Variants in ZNFX1 observed in about 807,000 individuals in gnomAD.
The protein encoded by ZNFX1 is NFX1-type zinc finger-containing protein 1.
ZNFX1 carries 78 observed loss-of-function variants against 179.8 expected under a neutral mutation model. That is an observed-to-expected ratio of 0.43 (90% CI 0.36 to 0.52). The LOEUF (loss-of-function observed/expected upper bound fraction) is 0.52. Ranked by LOEUF, ZNFX1 falls within the 20% of genes least tolerant of loss-of-function variation. ZNFX1 has a pLI of 0.00. For synonymous variants in ZNFX1, 848 were observed against 868.5 expected (o/e 0.98, Z 0.42); for missense variants, 1,927 against 2,386.6 (o/e 0.81, Z 4.01).
chr20:49,258,697 C>G (rs1450960698), intron 7 of ZNFX1, among the ~76,000 whole-genome samples: 2 of 151,678 alleles, frequency 1.3e-5, no homozygotes, highest in African/African-American at 4.9e-5. Context: ...TTCTAGCTAC[C>G]TGGGAGGCTG....
At position 49,249,338 on chromosome 20, in the gene ZNFX1, T is replaced by C. The variant is rs1452062811; in HGVS notation, c.3686A>G (p.Tyr1229Cys). The change falls in exon 14 of 14, where the codon TAC becomes TGC. Residue 1229 changes from tyrosine (Y) to cysteine (C), a missense_variant. Physicochemically the swap from Tyr to Cys is radical, Grantham distance 194. Coordinates refer to ENST00000396105, the MANE Select transcript of ZNFX1 (RefSeq NM_021035.3). The part of the protein sequence containing the change: ...VALSRAKKGM[Y>C]CIGNMQMLAK... ...CAGCATCTGCATGTTTCCGATGCAG[T>C]ACATTCCCTTCTTGGCTCGGGACAA... 1 of 1,614,136 alleles carries C rather than the reference T, an allele frequency of 6.2e-7. No individual in the cohort carries two copies.
At chr20:49,269,439 T>C (rs1981322371) in intron 3 of ZNFX1, among the ~76,000 whole-genome samples, 1 of 152,166 alleles carries the variant, frequency 6.6e-6, no homozygotes, top group Non-Finnish European at 1.5e-5. Flanking sequence ...CCCAGCACTT[T>C]GGGAGGCCAA....
At chr20:49,252,960 T>C (rs1377155051) in intron 11 of ZNFX1, 130 bp from the exon 12 acceptor site, 10 of 690,960 alleles carry the variant, frequency 1.4e-5, no homozygotes, top group Non-Finnish European at 2.6e-5. Context: ...TTCTACATAC[T>C]CACAGTTTAA....
chr20:49,257,523 T>C lies in ZNFX1; in HGVS notation c.2558A>G (p.Glu853Gly), dbSNP rs757101785. The C allele has an allele frequency of 6.2e-7, 1 of 1,613,872 alleles. No individual in the cohort carries two copies. Among genetic ancestry groups the C allele is most frequent in the South Asian group, 1.1e-5 (1 of 91,062 alleles). ...AGCCAACTCCTGGTCTGCTCCACTC[T>C]CTTCCTTCTTCCGCCGCTGGGGCCT... ...VVRPQRRKKE[E>G]SGADQELAKM... Residue 853 changes from glutamate (E) to glycine (G), a missense_variant, in exon 8 of 14, where the codon GAG becomes GGG. By Grantham distance (98) the Glu-to-Gly change is moderately conservative. Coordinates refer to ENST00000396105, the MANE Select transcript of ZNFX1 (RefSeq NM_021035.3).
chr20:49,251,497 T>C (rs768067021), intron 13 of ZNFX1, 30 bp downstream of exon 13: 1 of 1,591,704 alleles, frequency 6.3e-7, no homozygotes, highest in Non-Finnish European at 8.6e-7. Context: ...GCTGACACCA[T>C]CCAAGAAAGA....
At chr20:49,265,498 A>G (rs997413240) in intron 4 of ZNFX1, among the ~76,000 whole-genome samples, 1 of 152,210 alleles carries the variant, frequency 6.6e-6, no homozygotes, top group Non-Finnish European at 1.5e-5. Context: ...GTAGGGATCT[A>G]TTTTTAAGAA....
Position 49,257,459 on chromosome 20 carries a change from A to T in ZNFX1, c.2622T>A (p.Thr874=), listed in dbSNP as rs1383937724. 1 of 1,614,090 alleles carries T rather than the reference A, an allele frequency of 6.2e-7. No individual in the cohort carries two copies. Among genetic ancestry groups the T allele is most frequent in the East Asian group, 2.2e-5 (1 of 44,866 alleles). ...LLAMRLDHCG[T]GTAAGQEQAT... ...CTTGCTCCTGTCCAGCTGCTGTCCC[A>T]GTGCCACAATGGTCTAGCCTCATGG... Residue 874 remains threonine (T), a synonymous_variant, in exon 8 of 14, where the codon ACT becomes ACA. Transcript: ENST00000396105.
At chr20:49,252,634 A>G in intron 12 of ZNFX1, 86 bp downstream of exon 12, 1 of 863,858 alleles carries the variant, frequency 1.2e-6, no homozygotes, top group Non-Finnish European at 1.9e-6. Flanking sequence ...ATTTTTATTT[A>G]TATGAGACCT....
At chr20:49,255,522 G>A (rs1024822531) in intron 9 of ZNFX1, among the ~76,000 whole-genome samples, 1 of 151,952 alleles carries the variant, frequency 6.6e-6, no homozygotes, top group East Asian at 1.9e-4. Context: ...ATACCCATTT[G>A]TAACTTTTTA....
intron 2 of ZNFX1, among the ~76,000 whole-genome samples, chr20:49,274,626 G>A (rs1308012709): frequency 6.6e-6 from 1 of 152,168 alleles, no homozygotes; most frequent in Non-Finnish European, 1.5e-5. Flanking sequence ...GGGCATGGTG[G>A]CAGGCACCTG....
Position 49,271,520 on chromosome 20 carries a change from C to G in ZNFX1, c.292G>C (p.Asp98His). 1 of 1,614,166 alleles carries G rather than the reference C, an allele frequency of 6.2e-7. No individual in the cohort carries two copies. Among genetic ancestry groups the G allele is most frequent in the Non-Finnish European group, 8.5e-7 (1 of 1,180,038 alleles). The change falls in exon 3 of 14, where the codon GAC (aspartate) becomes CAC (histidine). Residue 98 changes from aspartate to histidine, a missense_variant. Asp to His is a moderately conservative substitution (Grantham distance 81, BLOSUM62 -1). Transcript: ENST00000396105. ...CTCCACCTGGTGTCATTCTCCTGGT[C>G]ATGTCTTTGGTCTCTAGCTTCGTCG... ...ASDEARDQRH[D>H]QENDTRWRNG... is the part of the protein sequence containing the mutation.
chr20:49,264,866 T>C lies in ZNFX1; in HGVS notation c.2003-2A>G. On this transcript the variant is annotated splice_acceptor_variant, in intron 4 of 13. Coordinates refer to ENST00000396105, the MANE Select transcript of ZNFX1 (RefSeq NM_021035.3). LOFTEE classifies it high-confidence loss of function. ...TGGTCTTCTGACAATTGTAGATGCC[T>C]GTGGAACAAAGTGGAGCATGGCAGG... The C allele has an allele frequency of 6.2e-7, 1 of 1,614,208 alleles. No individual in the cohort carries two copies. Among genetic ancestry groups the C allele is most frequent in the Non-Finnish European group, 8.5e-7 (1 of 1,180,038 alleles).
Position 49,264,885 on chromosome 20 carries a change from T to A in ZNFX1, c.2003-21A>T, listed in dbSNP as rs776021100. ...GATGCCTGTGGAACAAAGTGGAGCATGGCAGGGTTGAGAGGAGCTTATGCT... is the reference window on the plus strand; with the variant it reads ...GATGCCTGTGGAACAAAGTGGAGCAAGGCAGGGTTGAGAGGAGCTTATGCT... On this transcript the variant is annotated intron_variant, in intron 4 of 13. Coordinates refer to ENST00000396105, the MANE Select transcript of ZNFX1 (RefSeq NM_021035.3). 6 of 1,614,146 alleles carry A rather than the reference T, an allele frequency of 3.7e-6. No individual in the cohort carries two copies. In the South Asian group the frequency reaches 6.6e-5, roughly 18 times the overall value.
chr20:49,258,031 G>T (rs1981015293), intron 7 of ZNFX1, among the ~76,000 whole-genome samples: 1 of 151,118 alleles, frequency 6.6e-6, no homozygotes, highest in South Asian at 2.1e-4. Flanking sequence ...AACTCTTGAA[G>T]CTAAGGGACA....
chr20:49,271,421 G>A lies in ZNFX1; in HGVS notation c.391C>T (p.His131Tyr), dbSNP rs774543382. ...TGTGGCTGTTCTGTAGGCTTCTGGT[G>A]GGGAGTCCGCCACTGCTGGAAGTTG... Reference protein sequence around the residue: ...NDNFQQWRTPHQKPTEQPQQA... With the variant: ...NDNFQQWRTPYQKPTEQPQQA... Residue 131 changes from histidine (H) to tyrosine (Y), a missense_variant, in exon 3 of 14, where the codon CAC becomes TAC. Coordinates refer to ENST00000396105, the MANE Select transcript of ZNFX1 (RefSeq NM_021035.3). The A allele has an allele frequency of 1.2e-6, 2 of 1,614,120 alleles. No individual in the cohort carries two copies. Among genetic ancestry groups the A allele is most frequent in the East Asian group, 2.2e-5 (1 of 44,862 alleles).
In ZNFX1 at chr20:49,264,786, A is replaced by T; in HGVS notation, c.2081T>A (p.Leu694Gln). The change falls in exon 5 of 14, where the codon CTA (leucine) becomes CAA (glutamine). Residue 694 changes from leucine (L) to glutamine (Q), a missense_variant. Leu to Gln is a moderately radical substitution (Grantham distance 113). Coordinates refer to ENST00000396105, the MANE Select transcript of ZNFX1 (RefSeq NM_021035.3). ...SNSEILKQFTLRELRNKREFR... is the reference protein window; with the variant it reads ...SNSEILKQFTQRELRNKREFR... Reference sequence around the variant, plus strand: ...TTCCCGCTTGTTCCTCAGCTCCCTTAGGGTGAACTGCTTCAGGATTTCACT... The same window carrying T: ...TTCCCGCTTGTTCCTCAGCTCCCTTTGGGTGAACTGCTTCAGGATTTCACT... 1 of 1,614,190 alleles carries T rather than the reference A, an allele frequency of 6.2e-7. No individual in the cohort carries two copies. Among genetic ancestry groups the T allele is most frequent in the Non-Finnish European group, 8.5e-7 (1 of 1,180,014 alleles).
chr20:49,261,331 G>A (rs1011860657), intron 6 of ZNFX1, among the ~76,000 whole-genome samples: 2 of 151,264 alleles, frequency 1.3e-5, no homozygotes, highest in Non-Finnish European at 2.9e-5. Flanking sequence ...ATGAAGGACT[G>A]GATAAAGAAA....
At position 49,248,322 on chromosome 20, in the gene ZNFX1, C is replaced by T. The variant is rs1980733232; in HGVS notation, c.4702G>A (p.Asp1568Asn). Residue 1568 changes from aspartate to asparagine, a missense_variant, in exon 14 of 14, where the codon GAT (aspartate) becomes AAT (asparagine). By Grantham distance (23) the Asp-to-Asn change is conservative. Coordinates refer to ENST00000396105, the MANE Select transcript of ZNFX1 (RefSeq NM_021035.3). This position sits in a 1 kb window ranked among gnomAD's most constrained non-coding sequence, Gnocchi z 4.6. ...CCAAAGAATATTTGGGTGACCTCAT[C>T]CATGTGGCAGATCCGGCATTTCTTG... ...CPKKCRICHMDEVTQIFFGFE... is the reference protein window; with the variant it reads ...CPKKCRICHMNEVTQIFFGFE... 2 of 1,614,002 alleles carry T rather than the reference C, an allele frequency of 1.2e-6. No individual in the cohort carries two copies. Among genetic ancestry groups the T allele is most frequent in the Non-Finnish European group, 1.7e-6 (2 of 1,180,026 alleles).
At chr20:49,277,669 C>G (rs1041993963) in intron 1 of ZNFX1, among the ~76,000 whole-genome samples, 1 of 148,248 alleles carries the variant, frequency 6.7e-6, no homozygotes, top group Admixed American at 6.7e-5. Context: ...GCCGAAGGGG[C>G]GACGGGGCGC....
Sources: gnomAD v4.1 joint callset for allele counts (sites outside exome capture counted in the v4.1 genomes callset) on GRCh38, gnomAD v4.1.1 for gene constraint, Gnocchi (gnomAD v3.1) non-coding constraint, MANE v1.5 for transcripts, NCBI Gene and HGNC (gene_info 2026-07-23, HGNC 2026-07-21) for gene names.